PRELID2: variants seen among roughly 807,000 people sequenced by gnomAD.
The protein encoded by PRELID2 is PRELI domain-containing protein 2.
Under a neutral mutation model 28.4 loss-of-function variants are expected in PRELID2, and 25 were observed. The observed-to-expected ratio is 0.88, with a 90% CI of 0.64 to 1.23. PRELID2 has a LOEUF of 1.23. PRELID2 is among the 50% of genes most tolerant of loss of function. The pLI, the probability that PRELID2 is intolerant of heterozygous loss-of-function variation, is 0.00. For missense variants in PRELID2, 201 were observed against 214.4 expected, an observed-to-expected ratio of 0.94 and a Z score of 0.39; for synonymous variants, 76 against 71.6, an observed-to-expected ratio of 1.06 and a Z score of -0.31.
chr5:145,559,331 G>T (rs1281384328), intron 1 of PRELID2, among the ~76,000 whole-genome samples: 1 of 151,574 alleles, frequency 6.6e-6, no homozygotes, highest in Non-Finnish European at 1.5e-5. Context: ...TATAAATTAG[G>T]GTATCTACAT....
At chr5:145,303,681 G>C in the PRELID2 span, among the ~76,000 whole-genome samples, 2 of 152,126 alleles carry the variant, frequency 1.3e-5, no homozygotes, top group Non-Finnish European at 2.9e-5. Flanking sequence ...ATTCACTCTA[G>C]GTTCACCAAA....
downstream of PRELID2, among the ~76,000 whole-genome samples, chr5:145,756,218 CGTATGG>C (rs910779303): frequency 1.4e-4 from 21 of 152,252 alleles, no homozygotes; most frequent in African/African-American, 4.6e-4. Context: ...GAGCTAACAT[CGTATGG>C]TCAGGATAAC....
intron 1 of PRELID2, among the ~76,000 whole-genome samples, chr5:145,551,151 C>A (rs942011045): frequency 6.6e-6 from 1 of 152,026 alleles, no homozygotes; most frequent in African/African-American, 2.4e-5. Context: ...ACTAAGAGAA[C>A]CTGCTTATTG....
chr5:145,764,936 ATTCTT>A lies in PRELID2; in HGVS notation c.534_*4del. The A allele has an allele frequency of 6.2e-7, 1 of 1,610,056 alleles. No homozygotes were observed. The highest frequency in any genetic ancestry group is 8.5e-7 in the Non-Finnish European group (1 of 1,176,576). On this transcript the variant is annotated stop_lost and 3_prime_UTR_variant, in exon 6 of 7. Coordinates refer to ENST00000683046, the MANE Select transcript of PRELID2 (RefSeq NM_205846.3). ...ACTTTGCTTTTGGTACTCACTGATG[ATTCTT>A]TATTCAGCTAAGGGGGCACCACACT...
intron 1 of PRELID2, among the ~76,000 whole-genome samples, chr5:145,638,514 T>G (rs962566775): frequency 6.6e-6 from 1 of 152,232 alleles, no homozygotes; most frequent in Non-Finnish European, 1.5e-5. Flanking sequence ...ACCCTTGCTA[T>G]TCAATGCAAG....
At chr5:145,667,942 G>T (rs1242800683) in intron 1 of PRELID2, among the ~76,000 whole-genome samples, 2 of 152,042 alleles carry the variant, frequency 1.3e-5, no homozygotes, top group African/African-American at 4.8e-5. Context: ...GTGAGTTCGG[G>T]TAGAGACAAA....
the PRELID2 span, among the ~76,000 whole-genome samples, chr5:145,301,773 A>G: frequency 6.6e-6 from 1 of 152,154 alleles, no homozygotes; most frequent in Non-Finnish European, 1.5e-5. Flanking sequence ...TCTTTGTCCA[A>G]ATTAATCCAT....
the PRELID2 span, among the ~76,000 whole-genome samples, chr5:145,365,915 AAGTG>A: frequency 6.6e-6 from 1 of 151,946 alleles, no homozygotes; most frequent in Non-Finnish European, 1.5e-5. Context: ...ACAAAGTAGA[AAGTG>A]AGTAAGTGGT....
chr5:145,614,592 T>A (rs1753668299), intron 1 of PRELID2, among the ~76,000 whole-genome samples: 1 of 152,174 alleles, frequency 6.6e-6, no homozygotes, highest in Admixed American at 6.5e-5. Flanking sequence ...TTTGCAGCTA[T>A]TGTAAAAGAT....
At chr5:145,279,215 C>T in the PRELID2 span, among the ~76,000 whole-genome samples, 1 of 152,178 alleles carries the variant, frequency 6.6e-6, no homozygotes, top group African/African-American at 2.4e-5. Context: ...ACTGCAATAA[C>T]ATTTGCATCA....
intron 1 of PRELID2, among the ~76,000 whole-genome samples, chr5:145,711,746 C>T (rs55824632): frequency 0.14 from 20,867 of 147,726 alleles, 1,572 homozygotes; most frequent in African/African-American, 0.2. Context: ...GGTTGGGGGG[C>T]GGGGGCAAGA....
At chr5:145,284,765 G>A in the PRELID2 span, among the ~76,000 whole-genome samples, 1 of 151,890 alleles carries the variant, frequency 6.6e-6, no homozygotes, top group Non-Finnish European at 1.5e-5. Flanking sequence ...TGGCTGGTTT[G>A]GATTCTGCTA....
rs59631201 is a variant in PRELID2 at position 145,506,938 on chromosome 5, T to C, written n.71-33623A>G. ...CATTATCCATTTTTGTTTTGTTTATTGTATGCATAAATTTCAATTAACTCA... is the reference window on the plus strand; with the variant it reads ...CATTATCCATTTTTGTTTTGTTTATCGTATGCATAAATTTCAATTAACTCA... On this transcript the variant is annotated intron_variant and non_coding_transcript_variant, in intron 1 of 2. Coordinates refer to the PRELID2 transcript ENST00000510259. 4.0e-3 allele frequency among the ~76,000 whole-genome samples: 609 copies of C among 152,294 alleles called. 3 individuals are homozygous for C. The highest frequency in any genetic ancestry group is 0.014 in the African/African-American group (583 of 41,564).
At chr5:145,300,848 GTCT>G in the PRELID2 span, among the ~76,000 whole-genome samples, 19 of 151,222 alleles carry the variant, frequency 1.3e-4, no homozygotes, top group African/African-American at 4.4e-4. Context: ...TGTTAAGGAA[GTCT>G]TCTATTCGAT....
At chr5:145,417,240 A>C in the PRELID2 span, among the ~76,000 whole-genome samples, 9 of 152,200 alleles carry the variant, frequency 5.9e-5, no homozygotes, top group Non-Finnish European at 8.8e-5. Context: ...GAGTTCTGAA[A>C]CTGAGGCAGT....
chr5:145,470,475 A>AC (rs1752043800), downstream of PRELID2, among the ~76,000 whole-genome samples: 1 of 82,256 alleles, frequency 1.2e-5, no homozygotes, highest in Non-Finnish European at 3.1e-5. Flanking sequence ...GACACTAGTT[A>AC]GGTAATTTTT....
intron 1 of PRELID2, among the ~76,000 whole-genome samples, chr5:145,629,878 T>C (rs1753908646): frequency 6.6e-6 from 1 of 152,128 alleles, no homozygotes; most frequent in South Asian, 2.1e-4. Context: ...ATAGGTATTG[T>C]CTGGAAAACA....
intron 1 of PRELID2, among the ~76,000 whole-genome samples, chr5:145,600,246 A>T (rs1444334181): frequency 6.6e-6 from 1 of 150,824 alleles, no homozygotes; most frequent in Non-Finnish European, 1.5e-5. Context: ...TTCTTTGAGT[A>T]TGGCACAATA....
At chr5:145,413,010 C>T in the PRELID2 span, among the ~76,000 whole-genome samples, 2 of 152,092 alleles carry the variant, frequency 1.3e-5, no homozygotes, top group African/African-American at 4.8e-5. Flanking sequence ...CTTGACCTGT[C>T]CCCCCTTGAC....
Sources: allele counts gnomAD v4.1 joint callset (sites outside exome capture counted in the v4.1 genomes callset), GRCh38; gene constraint gnomAD v4.1.1; transcripts MANE v1.5; gene names NCBI Gene and HGNC (gene_info 2026-07-23, HGNC 2026-07-21).